The following ZFR2 variants were observed in gnomAD, a reference collection of about 807,000 sequenced individuals.
ZFR2 encodes the protein zinc finger RNA-binding protein 2.
ZFR2 carries 104 observed loss-of-function variants against 105.7 expected under a neutral mutation model. That is an observed-to-expected ratio of 0.98 (90% CI 0.84 to 1.16). The LOEUF (loss-of-function observed/expected upper bound fraction) is 1.16. ZFR2 is among the 50% of genes most tolerant of loss of function. ZFR2 has a pLI of 0.00. For missense variants in ZFR2, 1,425 were observed against 1,355.5 expected, an observed-to-expected ratio of 1.05 and a Z score of -0.80; for synonymous variants, 634 against 597.7, an observed-to-expected ratio of 1.06 and a Z score of -0.89.
rs548458252 is a variant in ZFR2 at position 3,846,727 on chromosome 19, A to C, written c.54-11744T>G. Among the ~76,000 whole-genome samples the C allele has an allele frequency of 1.1e-4, 16 of 152,346 alleles. No homozygotes were observed. The South Asian group carries it at 3.3e-3, about 32-fold the overall frequency. On this transcript the variant is annotated intron_variant, in intron 1 of 18. Transcript: ENST00000262961. ...AATTGTTTACTTGTTTGAAAATATC[A>C]CAATTCATTCACCTGTTTTCCTTAA...
Position 3,829,236 on chromosome 19 carries a change from A to C in ZFR2, c.853-1583T>G, listed in dbSNP as rs1222184268. ...CTCAGCCTCCCAAAGTGCTGGGATT[A>C]CAGGTGTGAGCTACCACGCCCAGCC... On this transcript the variant is annotated intron_variant, in intron 5 of 18. Coordinates refer to ENST00000262961, the MANE Select transcript of ZFR2 (RefSeq NM_015174.2). 3.9e-5 allele frequency among the ~76,000 whole-genome samples: 6 copies of C among 152,060 alleles called. No homozygotes were observed. The East Asian group carries it at 1.2e-3, about 29-fold the overall frequency.
In ZFR2 at chr19:3,813,698, G is replaced by A. The variant is rs1033890786; in HGVS notation, c.2242+122C>T. 14 of 1,370,996 alleles carry A rather than the reference G, an allele frequency of 1.0e-5. No homozygotes were observed. The highest frequency in any genetic ancestry group is 2.1e-5 in the Admixed American group (1 of 47,252). 84.9% of individuals were successfully genotyped at this position (1,370,996 alleles called of 1,614,324 possible). The stretch of plus-strand genomic sequence containing the variant: ...TCCTCAGGGGGACAGCAGTGCTGGA[G>A]CGTGGCTGCTGTGGCATTTCCTGCT... On this transcript the variant is annotated intron_variant, in intron 14 of 18. Transcript: ENST00000262961. The surrounding 1 kb of genome is among the most constrained non-coding windows in gnomAD (Gnocchi z 4.4).
intron 1 of ZFR2, among the ~76,000 whole-genome samples, chr19:3,843,497 G>A (rs1037477339): frequency 1.4e-5 from 2 of 148,004 alleles, no homozygotes; most frequent in South Asian, 2.2e-4. Context: ...TGAACATAAC[G>A]TGGTCCATCC....
At chr19:3,849,306 G>C (rs998027864) in intron 1 of ZFR2, among the ~76,000 whole-genome samples, 2 of 152,230 alleles carry the variant, frequency 1.3e-5, no homozygotes, top group Admixed American at 6.5e-5. Flanking sequence ...ACACAGCTTT[G>C]TCTCCACCTG....
chr19:3,810,698 G>A (rs2037753232), intron 16 of ZFR2, 52 bp downstream of exon 16: 8 of 1,488,542 alleles, frequency 5.4e-6, no homozygotes, highest in African/African-American at 1.4e-5. Context: ...TCAGGGCCAT[G>A]GAGGCCCTTG....
At chr19:3,811,457 A>AC in intron 14 of ZFR2, 91 bp from the exon 15 acceptor site, 2 of 1,148,074 alleles carry the variant, frequency 1.7e-6, no homozygotes, top group Non-Finnish European at 2.4e-6. Flanking sequence ...GGGCCCCTCG[A>AC]CGCTTTTTTT....
chr19:3,811,053 C>G (rs1346784054), intron 15 of ZFR2, among the ~76,000 whole-genome samples: 8 of 152,226 alleles, frequency 5.3e-5, no homozygotes, highest in Non-Finnish European at 1.5e-5. Context: ...GTCCCCACCC[C>G]CAGGGCAGCA....
At chr19:3,809,169 A>G (rs1204836524) in intron 16 of ZFR2, among the ~76,000 whole-genome samples, 186 bp from the exon 17 acceptor site, 1 of 152,190 alleles carries the variant, frequency 6.6e-6, no homozygotes, top group Non-Finnish European at 1.5e-5. Flanking sequence ...GCACGGCCAC[A>G]GGCTGGTTTC....
In ZFR2 at chr19:3,831,487, G is replaced by A; in HGVS notation, c.668C>T (p.Pro223Leu). 6.4e-7 allele frequency: 1 copy of A among 1,550,628 alleles called. No individual in the cohort carries two copies. The highest frequency in any genetic ancestry group is 1.4e-5 in the African/African-American group (1 of 73,220). The change falls in exon 5 of 19, where the codon CCC (proline) becomes CTC (leucine). Residue 223 changes from proline (P) to leucine (L), a missense_variant. Coordinates refer to ENST00000262961, the MANE Select transcript of ZFR2 (RefSeq NM_015174.2). ...AASPFYPPAQ[P>L]PPPPGPPQQL... is the part of the protein sequence containing the mutation. Reference sequence around the variant, plus strand: ...CTGCGGGGGTCCCGGGGGAGGCGGGGGCTGCGCTGGAGGATAGAAAGGGCT... The same window carrying A: ...CTGCGGGGGTCCCGGGGGAGGCGGGAGCTGCGCTGGAGGATAGAAAGGGCT...
rs779990772 is a variant in ZFR2, at chr19:3,807,285, T to C, written c.2546-16A>G. 6.5e-7 allele frequency: 1 copy of C among 1,538,652 alleles called. No homozygotes were observed. Among genetic ancestry groups the C allele is most frequent in the Non-Finnish European group, 8.8e-7 (1 of 1,135,966 alleles). ...CCGGGCCCGTCTTTGTGACGGGGAG[T>C]GGGAACAGCAAAGAAGGCGAGAATG... On this transcript the variant is annotated splice_polypyrimidine_tract_variant and intron_variant, in intron 17 of 18. Transcript: ENST00000262961.
chr19:3,812,630 G>A (rs906191729), intron 14 of ZFR2, among the ~76,000 whole-genome samples: 2 of 152,030 alleles, frequency 1.3e-5, no homozygotes, highest in East Asian at 1.9e-4. Context: ...AGCCTCCTCC[G>A]CATTTGTGTC....
chr19:3,834,770 T>C lies in ZFR2; in HGVS notation c.264+3A>G, dbSNP rs2038059937. ...AACGCTGGTCAAAGAAAGGACTGGA[T>C]ACCTGGTAGGTAGCCATGGTGGTGG... On this transcript the variant is annotated splice_donor_region_variant and intron_variant, in intron 2 of 18. Coordinates refer to ENST00000262961, the MANE Select transcript of ZFR2 (RefSeq NM_015174.2). This position sits in a 1 kb window ranked among gnomAD's most constrained non-coding sequence, Gnocchi z 5.3. 1 of 1,611,408 alleles carries C rather than the reference T, an allele frequency of 6.2e-7. No individual in the cohort carries two copies. Among genetic ancestry groups the C allele is most frequent in the African/African-American group, 1.3e-5 (1 of 74,904 alleles).
chr19:3,827,173 C>T (rs1051975677), intron 6 of ZFR2, among the ~76,000 whole-genome samples: 1 of 152,172 alleles, frequency 6.6e-6, no homozygotes, highest in African/African-American at 2.4e-5. Context: ...ACCCAGGAGG[C>T]AGAGGTTGCA....
In ZFR2 at chr19:3,813,073, C is replaced by G. The variant is rs528626668; in HGVS notation, c.2242+747G>C. ...CCAGCCTGGGCAACAGAGCGAGACT[C>G]TGTCTCAAAAAACAAACAAACAAAA... On this transcript the variant is annotated intron_variant, in intron 14 of 18. Transcript: ENST00000262961. This position sits in a 1 kb window ranked among gnomAD's most constrained non-coding sequence, Gnocchi z 4.4. Among the ~76,000 whole-genome samples the G allele has an allele frequency of 6.6e-6, 1 of 152,252 alleles. No individual in the cohort carries two copies. Among genetic ancestry groups the G allele is most frequent in the East Asian group, 1.9e-4 (1 of 5,182 alleles).
intron 13 of ZFR2, 117 bp from the exon 14 acceptor site, chr19:3,814,075 G>T: frequency 1.4e-6 from 2 of 1,462,050 alleles, no homozygotes; most frequent in Non-Finnish European, 1.8e-6. Context: ...CACACTTGCT[G>T]CCTGGGTGCC....
intron 1 of ZFR2, among the ~76,000 whole-genome samples, chr19:3,862,444 C>T (rs1177033942): frequency 5.9e-5 from 9 of 152,078 alleles, no homozygotes; most frequent in African/African-American, 2.2e-4. Flanking sequence ...ACCACAGGCA[C>T]GTGCCACCAC....
At chr19:3,817,191 C>T (rs1478700625) in intron 12 of ZFR2, among the ~76,000 whole-genome samples, 2 of 152,090 alleles carry the variant, frequency 1.3e-5, no homozygotes, top group Non-Finnish European at 2.9e-5. Flanking sequence ...CCTGTTGTTT[C>T]GGCTCCACAT....
chr19:3,850,220 G>C (rs117429335), intron 1 of ZFR2, among the ~76,000 whole-genome samples: 2 of 152,108 alleles, frequency 1.3e-5, no homozygotes, highest in African/African-American at 4.8e-5. Context: ...GAAAAGCCCC[G>C]GGGAAGGGTG....
intron 16 of ZFR2, among the ~76,000 whole-genome samples, chr19:3,809,694 A>G (rs1446069653): frequency 2.0e-5 from 3 of 152,200 alleles, no homozygotes; most frequent in East Asian, 1.9e-4. Context: ...CTGTAATCCC[A>G]GCACTTTGGG....
Sources: allele counts gnomAD v4.1 joint callset (sites outside exome capture counted in the v4.1 genomes callset), GRCh38; gene constraint gnomAD v4.1.1; non-coding constraint Gnocchi (gnomAD v3.1); transcripts MANE v1.5; gene names NCBI Gene and HGNC (gene_info 2026-07-23, HGNC 2026-07-21).